Variants in ITSN1 observed in about 807,000 individuals in gnomAD.
ITSN1 encodes the protein intersectin-1.
Under a neutral mutation model 239.8 loss-of-function variants are expected in ITSN1, and 58 were observed. The observed-to-expected ratio is 0.24, with a 90% CI of 0.20 to 0.30. The LOEUF is 0.30. Ranked by LOEUF, ITSN1 falls within the 10% of genes least tolerant of loss-of-function variation. The pLI is 1.00. For missense variants in ITSN1, 1,558 were observed against 2,103.3 expected (o/e 0.74, Z 5.07); for synonymous variants, 780 against 770.8 (o/e 1.01, Z -0.20).
intron 29 of ITSN1, among the ~76,000 whole-genome samples, chr21:33,850,430 A>G (rs2075123107): frequency 6.6e-6 from 1 of 152,140 alleles, no homozygotes; most frequent in African/African-American, 2.4e-5. Flanking sequence ...TCCAGACCCC[A>G]TTAAAAATCG....
chr21:33,776,991 C>G (rs1261316292), intron 14 of ITSN1, among the ~76,000 whole-genome samples: 1 of 151,872 alleles, frequency 6.6e-6, no homozygotes, highest in Admixed American at 6.6e-5. Context: ...TTGACTACCC[C>G]ATGACTGCAA....
chr21:33,885,250 G>T, intron 37 of ITSN1, 127 bp downstream of exon 37: 1 of 991,506 alleles, frequency 1.0e-6, no homozygotes, highest in Admixed American at 2.0e-5. Context: ...TGAGATGGAA[G>T]TGAGCTTGGG....
intron 5 of ITSN1, 60 bp from the exon 6 acceptor site, chr21:33,750,083 A>T (rs763340398): frequency 5.8e-5 from 86 of 1,474,166 alleles, no homozygotes; most frequent in Non-Finnish European, 7.5e-5. Flanking sequence ...TGGGTTAATT[A>T]TTATTCAGTG....
chr21:33,672,945 C>T (rs1057131052), intron 1 of ITSN1, among the ~76,000 whole-genome samples: 3 of 152,112 alleles, frequency 2.0e-5, no homozygotes, highest in Non-Finnish European at 4.4e-5. Context: ...CTCTTGACCT[C>T]GTGATCCACC....
At position 33,750,285 on chromosome 21, in the gene ITSN1, C is replaced by G; in HGVS notation, c.489C>G (p.Pro163=). The G allele has an allele frequency of 6.2e-7, 1 of 1,613,710 alleles. No homozygotes were observed. Among genetic ancestry groups the G allele is most frequent in the Non-Finnish European group, 8.5e-7 (1 of 1,180,024 alleles). ...TGCCCCCCCTGGCTAACGGGGCTCC[C>G]CCTGTTATACAACCTCTGCCTGCAT... ...AAVPPLANGA[P]PVIQPLPAFA... is the part of the protein sequence containing the mutation. Residue 163 remains proline (P), a synonymous_variant, in exon 6 of 40, where the codon CCC becomes CCG. Coordinates refer to ENST00000381318, the MANE Select transcript of ITSN1 (RefSeq NM_003024.3).
intron 29 of ITSN1, among the ~76,000 whole-genome samples, chr21:33,841,918 G>A (rs2074836334): frequency 6.6e-6 from 1 of 150,498 alleles, no homozygotes; most frequent in Admixed American, 6.7e-5. Context: ...TTCCGCTTCA[G>A]CCAGAGTTCT....
At position 33,695,920 on chromosome 21, in the gene ITSN1, G is replaced by T. The variant is rs143684535; in HGVS notation, c.-32-22877G>T. On this transcript the variant is annotated intron_variant, in intron 1 of 39. Transcript: ENST00000381318. ...TTTCAGTGCACCTCAATCAAGTGAA[G>T]TGAGATTAAATATTTGAGTCATCTG... is the stretch of plus-strand genomic sequence containing the variant. Among the ~76,000 whole-genome samples the T allele has an allele frequency of 8.2e-4, 125 of 152,330 alleles. No homozygotes were observed. The East Asian group carries it at 0.014, about 17-fold the overall frequency.
intron 1 of ITSN1, among the ~76,000 whole-genome samples, chr21:33,654,096 G>A (rs1447202009): frequency 2.0e-5 from 3 of 151,680 alleles, no homozygotes; most frequent in African/African-American, 7.3e-5. Context: ...CACCCAGGCT[G>A]AGTGCAGTGG....
Position 33,772,325 on chromosome 21 carries a change from T to C in ITSN1, c.1305+2T>C, listed in dbSNP as rs1250300624. ...AGGAAAGAAATTGAGAGGCGAGAGG[T>C]AAGCAGGCGAGAGTGGAGCCACCCG... On this transcript the variant is annotated splice_donor_variant, in intron 12 of 39. Coordinates refer to ENST00000381318, the MANE Select transcript of ITSN1 (RefSeq NM_003024.3). LOFTEE classifies it high-confidence loss of function. The C allele has an allele frequency of 6.4e-7, 1 of 1,551,582 alleles. No individual in the cohort carries two copies. Among genetic ancestry groups the C allele is most frequent in the African/African-American group, 1.4e-5 (1 of 73,142 alleles).
At chr21:33,677,682 C>G (rs879477660) in intron 1 of ITSN1, among the ~76,000 whole-genome samples, 3 of 152,130 alleles carry the variant, frequency 2.0e-5, no homozygotes, top group Non-Finnish European at 4.4e-5. Flanking sequence ...AATGCGCACA[C>G]CCCAGTCCTT....
rs745386929 is a variant in ITSN1, at chr21:33,836,471, C to T, written c.3500C>T (p.Thr1167Ile). The T allele has an allele frequency of 1.2e-6, 2 of 1,613,074 alleles. No homozygotes were observed. Among genetic ancestry groups the T allele is most frequent in the East Asian group, 4.5e-5 (2 of 44,862 alleles). ...VCQVIGMYDYTAQNDDELAFN... is the reference protein window; with the variant it reads ...VCQVIGMYDYIAQNDDELAFN... ...CAGGTGATTGGGATGTACGACTACA[C>T]CGCGCAGAATGACGATGAGCTGGCC... Residue 1167 changes from threonine (T) to isoleucine (I), a missense_variant, in exon 29 of 40, where the codon ACC becomes ATC. Around this residue, in one of 2 missense-constraint regions of ITSN1, gnomAD observed 576 missense variants for 893.3 expected, o/e 0.64. Transcript: ENST00000381318.
chr21:33,862,477 G>C (rs1253434852), intron 31 of ITSN1, among the ~76,000 whole-genome samples: 2 of 152,172 alleles, frequency 1.3e-5, no homozygotes, highest in African/African-American at 4.8e-5. Context: ...AAGGATGTGG[G>C]GTTGGGAGAA....
intron 16 of ITSN1, among the ~76,000 whole-genome samples, chr21:33,787,114 C>T (rs773814565): frequency 1.3e-5 from 2 of 152,092 alleles, no homozygotes; most frequent in Non-Finnish European, 2.9e-5. Context: ...TTCCTATTGA[C>T]GAGTTGCGTG....
At chr21:33,838,442 T>C in intron 29 of ITSN1, 1 of 983,174 alleles carries the variant, frequency 1.0e-6, no homozygotes, top group Non-Finnish European at 1.2e-6. Context: ...ACAACTGTAA[T>C]ACAACCTTTT....
rs1390445103 is a variant in ITSN1, at chr21:33,894,989, G to C, written c.*6689G>C. The C allele has an allele frequency of 1.4e-5, 2 of 140,050 alleles. No individual in the cohort carries two copies. The highest frequency in any genetic ancestry group is 5.3e-5 in the African/African-American group (2 of 37,822). 8.7% of individuals were successfully genotyped at this position (140,050 alleles called of 1,614,324 possible). Reference sequence around the variant, plus strand: ...AGGCATTGCTCTTGTGTAGATCGCAGAAGGAGTTATTGGTGATGTGGGGTG... The same window carrying C: ...AGGCATTGCTCTTGTGTAGATCGCACAAGGAGTTATTGGTGATGTGGGGTG... On this transcript the variant is annotated 3_prime_UTR_variant, in exon 40 of 40. Transcript: ENST00000381318.
At chr21:33,720,909 G>A (rs1187131182) in intron 2 of ITSN1, among the ~76,000 whole-genome samples, 3 of 151,984 alleles carry the variant, frequency 2.0e-5, no homozygotes, top group Admixed American at 6.6e-5. Flanking sequence ...TGCTAACTAT[G>A]GGATTATAAA....
chr21:33,797,912 G>A lies in ITSN1; in HGVS notation c.2182+304G>A, dbSNP rs1602295163. Among the ~76,000 whole-genome samples, 1 of 152,264 alleles carries A rather than the reference G, an allele frequency of 6.6e-6. No homozygotes were observed. Among genetic ancestry groups the A allele is most frequent in the East Asian group, 1.9e-4 (1 of 5,180 alleles). ...TGCAAAAGAACCTGCTGTTTCTCTGGTTTGTTATTTCCCTCCCTGGAATTT... is the reference window on the plus strand; with the variant it reads ...TGCAAAAGAACCTGCTGTTTCTCTGATTTGTTATTTCCCTCCCTGGAATTT... On this transcript the variant is annotated intron_variant, in intron 18 of 39. Coordinates refer to ENST00000381318, the MANE Select transcript of ITSN1 (RefSeq NM_003024.3). This position sits in a 1 kb window ranked among gnomAD's most constrained non-coding sequence, Gnocchi z 4.9.
At chr21:33,875,315 T>G in intron 33 of ITSN1, 39 bp from the exon 34 acceptor site, 1 of 1,611,882 alleles carries the variant, frequency 6.2e-7, no homozygotes, top group Non-Finnish European at 8.5e-7. Context: ...CCGCCCACAT[T>G]GCCTAAAAGG....
chr21:33,743,231 C>T (rs1299288505), intron 5 of ITSN1, among the ~76,000 whole-genome samples: 2 of 152,266 alleles, frequency 1.3e-5, no homozygotes, highest in South Asian at 4.1e-4. Context: ...TTTAAGAGGC[C>T]GAGGTGAGCG....
Sources: gnomAD v4.1 joint callset for allele counts (sites outside exome capture counted in the v4.1 genomes callset) on GRCh38, gnomAD v4.1.1 for gene constraint, gnomAD v4.1.1 regional missense constraint, Gnocchi (gnomAD v3.1) non-coding constraint, MANE v1.5 for transcripts, NCBI Gene and HGNC (gene_info 2026-07-23, HGNC 2026-07-21) for gene names.